C12orf42: variants seen among roughly 807,000 people sequenced by gnomAD.
The protein encoded by C12orf42 is uncharacterized protein C12orf42.
Under a neutral mutation model 21.6 loss-of-function variants are expected in C12orf42, and 25 were observed. The observed-to-expected ratio is 1.16, with a 90% CI of 0.84 to 1.62. The LOEUF is 1.62. C12orf42 is among the 40% of genes most tolerant of loss of function. C12orf42 has a pLI of 0.00. For synonymous variants in C12orf42, 174 were observed against 175.0 expected, an observed-to-expected ratio of 0.99 and a Z score of 0.05; for missense variants, 483 against 459.3, an observed-to-expected ratio of 1.05 and a Z score of -0.47.
the C12orf42 span, among the ~76,000 whole-genome samples, chr12:103,535,592 G>T: frequency 6.6e-6 from 1 of 151,784 alleles, no homozygotes; most frequent in African/African-American, 2.4e-5. Flanking sequence ...AAGTAGGGAG[G>T]TAATATATCA....
chr12:103,339,266 C>A (rs148217087), intron 4 of C12orf42, among the ~76,000 whole-genome samples: 1 of 152,110 alleles, frequency 6.6e-6, no homozygotes, highest in Non-Finnish European at 1.5e-5. Flanking sequence ...AGTAAACTTG[C>A]GTCATGGAGA....
intron 4 of C12orf42, among the ~76,000 whole-genome samples, chr12:103,290,779 G>T (rs898896625): frequency 6.6e-6 from 1 of 151,992 alleles, no homozygotes; most frequent in African/African-American, 2.4e-5. Context: ...TTCCATGCAC[G>T]CTATACATTT....
At chr12:103,437,295 G>A (rs528908397) in intron 2 of C12orf42, among the ~76,000 whole-genome samples, 1 of 152,232 alleles carries the variant, frequency 6.6e-6, no homozygotes, top group African/African-American at 2.4e-5. Flanking sequence ...TGCCACAAGA[G>A]AAAGCAGGAA....
chr12:103,515,805 T>C, the C12orf42 span, among the ~76,000 whole-genome samples: 3 of 152,364 alleles, frequency 2.0e-5, no homozygotes, highest in East Asian at 5.8e-4. Flanking sequence ...TGATGGTTTA[T>C]ACATAATAGA....
At chr12:103,216,817 A>T in the C12orf42 span, among the ~76,000 whole-genome samples, 1 of 151,976 alleles carries the variant, frequency 6.6e-6, no homozygotes, top group African/African-American at 2.4e-5. Flanking sequence ...CAAGTCCTCC[A>T]TTGTAAGCCA....
chr12:103,193,803 A>G, the C12orf42 span, among the ~76,000 whole-genome samples: 1 of 152,158 alleles, frequency 6.6e-6, no homozygotes, highest in Non-Finnish European at 1.5e-5. Context: ...TTAAACTAGA[A>G]GAGGGAATAC....
the C12orf42 span, among the ~76,000 whole-genome samples, chr12:103,053,637 T>C: frequency 6.6e-6 from 1 of 151,962 alleles, no homozygotes; most frequent in Non-Finnish European, 1.5e-5. Flanking sequence ...AAAAACTGAA[T>C]TGTGTTTGCG....
chr12:103,485,758 A>G (rs538436849), intron 1 of C12orf42, among the ~76,000 whole-genome samples: 1 of 152,274 alleles, frequency 6.6e-6, no homozygotes, highest in Non-Finnish European at 1.5e-5. Context: ...TTCACTCATG[A>G]TTTGGCTCCC....
At chr12:103,507,962 G>T in the C12orf42 span, among the ~76,000 whole-genome samples, 2 of 152,146 alleles carry the variant, frequency 1.3e-5, no homozygotes, top group Non-Finnish European at 2.9e-5. Flanking sequence ...ATTCATCCCT[G>T]TGTGAAGTGA....
At chr12:103,429,784 A>G (rs4764960) in intron 2 of C12orf42, among the ~76,000 whole-genome samples, 125,307 of 152,062 alleles carry the variant, frequency 0.82, 51,670 homozygotes, top group Admixed American at 0.88. Flanking sequence ...ATAGACCAAT[A>G]GAACAGAACA....
chr12:103,125,282 C>G, the C12orf42 span, among the ~76,000 whole-genome samples: 7 of 152,032 alleles, frequency 4.6e-5, no homozygotes, highest in Admixed American at 4.6e-4. Context: ...GCCAGAAACT[C>G]CAACTTGAAA....
chr12:103,230,205 A>G, the C12orf42 span, among the ~76,000 whole-genome samples: 1 of 151,378 alleles, frequency 6.6e-6, no homozygotes, highest in African/African-American at 2.5e-5. Flanking sequence ...TGGTTTTCAC[A>G]TGGCCACAAA....
intron 2 of C12orf42, among the ~76,000 whole-genome samples, chr12:103,443,532 AC>A (rs1166222431): frequency 6.6e-6 from 1 of 152,074 alleles, no homozygotes; most frequent in Admixed American, 6.6e-5. Context: ...GCCTCATCTA[AC>A]CCTCAGCAAT....
intron 4 of C12orf42, among the ~76,000 whole-genome samples, chr12:103,322,104 C>CA (rs1472075048): frequency 2.1e-5 from 3 of 144,468 alleles, no homozygotes; most frequent in Admixed American, 6.8e-5. Flanking sequence ...GATGTGCACG[C>CA]GCGTGCGTGC....
At chr12:103,422,438 G>C (rs949217941) in intron 2 of C12orf42, among the ~76,000 whole-genome samples, 10 of 152,186 alleles carry the variant, frequency 6.6e-5, no homozygotes, top group African/African-American at 1.9e-4. Flanking sequence ...TGATGGACTA[G>C]ACACACGCCA....
At chr12:103,171,677 A>G in the C12orf42 span, among the ~76,000 whole-genome samples, 1 of 151,416 alleles carries the variant, frequency 6.6e-6, no homozygotes, top group Non-Finnish European at 1.5e-5. Context: ...GTATTGAAGT[A>G]TGGGACTCCA....
the C12orf42 span, among the ~76,000 whole-genome samples, chr12:103,051,903 GAC>G: frequency 6.9e-4 from 105 of 152,206 alleles, 2 homozygotes; most frequent in Middle Eastern, 3.4e-3. Context: ...ATTACACTAT[GAC>G]AAAACATGGT....
In C12orf42 at chr12:103,397,362, G is replaced by C. The variant is rs554799796; in HGVS notation, c.147+4245C>G. On this transcript the variant is annotated intron_variant, in intron 3 of 5. Coordinates refer to ENST00000548883, the MANE Select transcript of C12orf42 (RefSeq NM_198521.5). The stretch of plus-strand genomic sequence containing the variant: ...AGCCCCAGGCCATTAGGCACCAGGT[G>C]GCACAACAGGAGGTGAGTGCCAGGC... 2.1e-3 allele frequency among the ~76,000 whole-genome samples: 313 copies of C among 152,282 alleles called. 1 individual carries two copies. The highest frequency in any genetic ancestry group is 6.8e-3 in the Middle Eastern group (2 of 294).
chr12:103,555,158 T>C, the C12orf42 span, among the ~76,000 whole-genome samples: 1 of 152,144 alleles, frequency 6.6e-6, no homozygotes, highest in African/African-American at 2.4e-5. Context: ...AGTAGGTGTA[T>C]TAGTCCATTT....
Sources: allele counts gnomAD v4.1 joint callset (sites outside exome capture counted in the v4.1 genomes callset), GRCh38; gene constraint gnomAD v4.1.1; transcripts MANE v1.5; gene names NCBI Gene and HGNC (gene_info 2026-07-23, HGNC 2026-07-21).